MYO7B: variants seen among roughly 807,000 people sequenced by gnomAD.
MYO7B encodes unconventional myosin-VIIb.
MYO7B carries 212 observed loss-of-function variants against 259.7 expected under a neutral mutation model. The observed-to-expected ratio is 0.82, with a 90% CI of 0.73 to 0.91. The LOEUF is 0.91. Among genes scored for constraint, MYO7B ranks in the 40% least tolerant of loss-of-function variants. The probability of loss-of-function intolerance (pLI) is 0.00; values close to 1 mark genes in which losing one functional copy is unlikely to be tolerated. For synonymous variants in MYO7B, 1,197 were observed against 1,166.4 expected (o/e 1.03, Z -0.54); for missense variants, 2,732 against 2,813.5 (o/e 0.97, Z 0.66).
chr2:127,590,102 C>T lies in MYO7B; in HGVS notation c.1865C>T (p.Ser622Leu). 6.3e-7 allele frequency: 1 copy of T among 1,582,874 alleles called. No individual in the cohort carries two copies. Among genetic ancestry groups the T allele is most frequent in the Non-Finnish European group, 8.6e-7 (1 of 1,164,932 alleles). The stretch of plus-strand genomic sequence containing the variant: ...TGCTTCCATTCACAGTCTGCAGACT[C>T]AAATAAACGGCCCTCCACCTTAGGA... The part of the protein sequence containing the change: ...AGNHLFKSAD[S>L]NKRPSTLGSQ... Residue 622 changes from serine to leucine, a missense_variant, in exon 16 of 48, where the codon TCA becomes TTA. This residue lies in a region of MYO7B where 1,906 missense variants were observed against 2,026.4 expected (regional missense o/e 0.94). Coordinates refer to ENST00000409816, the MANE Select transcript of MYO7B (RefSeq NM_001393586.1). This position sits in a 1 kb window ranked among gnomAD's most constrained non-coding sequence, Gnocchi z 4.6.
In MYO7B at chr2:127,554,949, A is replaced by ATT. The variant is rs113240086; in HGVS notation, c.-23-4736_-23-4735dup. On this transcript the variant is annotated intron_variant, in intron 1 of 47. Coordinates refer to ENST00000409816, the MANE Select transcript of MYO7B (RefSeq NM_001393586.1). ...ATACCTCCTGTTTCATTTCTAATTG[A>ATT]TTTTTTTTTTTTTTTTGAGATGGAG... Among the ~76,000 whole-genome samples the ATT allele has an allele frequency of 3.5e-3, 480 of 136,056 alleles. 4 individuals are homozygous for ATT. Among genetic ancestry groups the ATT allele is most frequent in the African/African-American group, 0.012 (444 of 37,188 alleles). 89.3% of individuals were successfully genotyped at this position (136,056 alleles called of 152,430 possible). A position where few individuals can be genotyped will look rare whatever the true frequency, so the allele number is the denominator to read the frequency against.
At chr2:127,540,026 C>A (rs1398143439) in intron 1 of MYO7B, among the ~76,000 whole-genome samples, 2 of 152,190 alleles carry the variant, frequency 1.3e-5, no homozygotes, top group African/African-American at 4.8e-5. Context: ...CCTTTTATGG[C>A]TGAGTAGTAT....
At position 127,597,775 on chromosome 2, in the gene MYO7B, C is replaced by T. The variant is rs538518141; in HGVS notation, c.2339+1219C>T. Among the ~76,000 whole-genome samples, 23 of 152,146 alleles carry T rather than the reference C, an allele frequency of 1.5e-4. No individual in the cohort carries two copies. The highest frequency in any genetic ancestry group is 5.1e-4 in the African/African-American group (21 of 41,514). ...TCAGCCTCCAAAGTAGCTGGTACTA[C>T]TACAGGCGCCCGCCACCATGCCTGG... On this transcript the variant is annotated intron_variant, in intron 19 of 47. Coordinates refer to ENST00000409816, the MANE Select transcript of MYO7B (RefSeq NM_001393586.1). The surrounding 1 kb of genome is among the most constrained non-coding windows in gnomAD (Gnocchi z 4.8).
chr2:127,634,835 T>A, intron 42 of MYO7B, 152 bp downstream of exon 42: 1 of 754,500 alleles, frequency 1.3e-6, no homozygotes, highest in South Asian at 1.7e-5. Context: ...GGCCCGGCGG[T>A]GAGGGCCAGC....
intron 14 of MYO7B, among the ~76,000 whole-genome samples, chr2:127,588,090 G>A (rs1335625378): frequency 6.6e-6 from 1 of 152,210 alleles, no homozygotes; most frequent in African/African-American, 2.4e-5. Context: ...TTAGTCTGAA[G>A]GAGCCTTAGC....
At chr2:127,566,917 C>T (rs745728198) in intron 5 of MYO7B, 90 bp downstream of exon 5, 21 of 1,367,980 alleles carry the variant, frequency 1.5e-5, no homozygotes, top group Non-Finnish European at 2.0e-5. Flanking sequence ...GATGAGAGCT[C>T]TCCCTACTCC....
At chr2:127,570,121 CA>C (rs1282809006) in intron 6 of MYO7B, among the ~76,000 whole-genome samples, 1 of 152,056 alleles carries the variant, frequency 6.6e-6, no homozygotes, top group Non-Finnish European at 1.5e-5. Context: ...AAACTTCCAC[CA>C]GGTGTGTTTT....
intron 16 of MYO7B, among the ~76,000 whole-genome samples, chr2:127,591,764 G>A (rs967979712): frequency 2.0e-5 from 3 of 152,172 alleles, no homozygotes; most frequent in African/African-American, 7.2e-5. Flanking sequence ...GGGCTCTCTA[G>A]AATCCAAGCC....
chr2:127,634,849 G>C, intron 42 of MYO7B, 166 bp downstream of exon 42: 1 of 693,114 alleles, frequency 1.4e-6, no homozygotes, highest in Non-Finnish European at 2.5e-6. Context: ...GGCCAGCTCA[G>C]GCAGAAACAG....
At chr2:127,575,143 C>T (rs1229481632) in intron 7 of MYO7B, among the ~76,000 whole-genome samples, 3 of 152,210 alleles carry the variant, frequency 2.0e-5, no homozygotes, top group African/African-American at 7.2e-5. Context: ...TTTAGTGACC[C>T]TCCGACCTGG....
intron 28 of MYO7B, 131 bp downstream of exon 28, chr2:127,622,232 G>GTACC: frequency 3.9e-6 from 5 of 1,274,998 alleles, no homozygotes; most frequent in Non-Finnish European, 5.2e-6. Flanking sequence ...CTCCTCTGCA[G>GTACC]TACCTCCCAT....
chr2:127,544,607 G>A (rs1233289872), intron 1 of MYO7B, among the ~76,000 whole-genome samples: 2 of 139,988 alleles, frequency 1.4e-5, no homozygotes, highest in African/African-American at 5.4e-5. Flanking sequence ...TTGAGGTGGA[G>A]TCTCGCTCTT....
chr2:127,566,061 A>G (rs964369599), intron 4 of MYO7B, among the ~76,000 whole-genome samples: 2 of 151,904 alleles, frequency 1.3e-5, no homozygotes, highest in African/African-American at 4.8e-5. Context: ...TTTTGCCTGC[A>G]CTCCTCATCT....
Position 127,624,312 on chromosome 2 carries a change from T to C in MYO7B, c.4039T>C (p.Phe1347Leu). 1 of 1,573,354 alleles carries C rather than the reference T, an allele frequency of 6.4e-7. No individual in the cohort carries two copies. Among genetic ancestry groups the C allele is most frequent in the Non-Finnish European group, 8.6e-7 (1 of 1,159,938 alleles). ...AGGAGTCTGGTCTGGCGAGTACAGC[T>C]TCGAGAAGGTGAGGGGCCTGAGAGC... The part of the protein sequence containing the change: ...LRGVWSGEYS[F>L]EKEEELVELL... Residue 1347 changes from phenylalanine (F) to leucine (L), a missense_variant, in exon 30 of 48, where the codon TTC (phenylalanine) becomes CTC (leucine). Transcript: ENST00000409816.
chr2:127,555,990 G>A (rs181049773), intron 1 of MYO7B, among the ~76,000 whole-genome samples: 1 of 152,248 alleles, frequency 6.6e-6, no homozygotes, highest in Admixed American at 6.5e-5. Context: ...TGCTGCCAGT[G>A]GAGTATTGAA....
At chr2:127,602,064 AT>A (rs1260553570) in intron 19 of MYO7B, among the ~76,000 whole-genome samples, 3 of 151,726 alleles carry the variant, frequency 2.0e-5, no homozygotes, top group Non-Finnish European at 4.4e-5. Context: ...TCTCCTTCGC[AT>A]TTTTATGTTT....
chr2:127,569,353 G>C (rs1344904865), intron 5 of MYO7B, among the ~76,000 whole-genome samples: 1 of 152,142 alleles, frequency 6.6e-6, no homozygotes, highest in Admixed American at 6.5e-5. Flanking sequence ...AAACTCCAAA[G>C]TGCAGGAATC....
chr2:127,608,162 G>C (rs1193661846), intron 21 of MYO7B, among the ~76,000 whole-genome samples: 1 of 152,170 alleles, frequency 6.6e-6, no homozygotes, highest in African/African-American at 2.4e-5. Flanking sequence ...GTTGACTTCT[G>C]CTCCATGGAT....
At position 127,625,546 on chromosome 2, in the gene MYO7B, A is replaced by C; in HGVS notation, c.4215+11A>C. 6.3e-7 allele frequency: 1 copy of C among 1,588,676 alleles called. No individual in the cohort carries two copies. The highest frequency in any genetic ancestry group is 8.6e-7 in the Non-Finnish European group (1 of 1,166,008). On this transcript the variant is annotated intron_variant, in intron 31 of 47. Transcript: ENST00000409816. Reference sequence around the variant, plus strand: ...GCCGCCTGCGCCAAGGTCAGCCTGCATGCAGCTCAGGCACCCACCCGAGGG... The same window carrying C: ...GCCGCCTGCGCCAAGGTCAGCCTGCCTGCAGCTCAGGCACCCACCCGAGGG...
Sources: gnomAD v4.1 joint callset for allele counts (sites outside exome capture counted in the v4.1 genomes callset) on GRCh38, gnomAD v4.1.1 for gene constraint, gnomAD v4.1.1 regional missense constraint, Gnocchi (gnomAD v3.1) non-coding constraint, MANE v1.5 for transcripts, NCBI Gene and HGNC (gene_info 2026-07-23, HGNC 2026-07-21) for gene names.